CNKSR2: variants seen among roughly 807,000 people sequenced by gnomAD.
The protein encoded by CNKSR2 is CNK homolog protein 2.
CNKSR2 carries 14 observed loss-of-function variants against 84.4 expected under a neutral mutation model. The observed-to-expected ratio is 0.17, with a 90% CI of 0.11 to 0.26. The LOEUF is 0.26. CNKSR2 is among the 10% of genes least tolerant of loss of function. CNKSR2 has a pLI of 1.00. For missense variants in CNKSR2, 485 were observed against 771.2 expected, an observed-to-expected ratio of 0.63 and a Z score of 4.40; for synonymous variants, 275 against 277.9, an observed-to-expected ratio of 0.99 and a Z score of 0.10.
At chrX:21,412,437 A>G (rs764055106) in intron 1 of CNKSR2, among the ~76,000 whole-genome samples, 2 of 111,960 alleles carry the variant, frequency 1.8e-5, no homozygotes, top group East Asian at 2.8e-4. Flanking sequence ...CTAGTGTACA[A>G]TTTTCAGCAT....
At chrX:21,446,578 A>G (rs1470338471) in intron 4 of CNKSR2, among the ~76,000 whole-genome samples, 1 of 111,456 alleles carries the variant, frequency 9.0e-6, no homozygotes, top group Non-Finnish European at 1.9e-5. Flanking sequence ...CTGGCTTGTG[A>G]GCAAAAACTT....
chrX:21,445,391 A>G (rs1464986092), intron 4 of CNKSR2, among the ~76,000 whole-genome samples: 1 of 111,484 alleles, frequency 9.0e-6, no homozygotes, highest in Non-Finnish European at 1.9e-5. Flanking sequence ...TGTAATGATC[A>G]AATCAGGGTA....
rs374060977 is a variant in CNKSR2 at position 21,451,917 on chromosome X, C to A, written c.519+11136C>A. Reference sequence around the variant, plus strand: ...TAGTAGAGTTATCTGGTAGACCATTCAAAACCATTTAGGCCTTGTCTCATG... The same window carrying A: ...TAGTAGAGTTATCTGGTAGACCATTAAAAACCATTTAGGCCTTGTCTCATG... On this transcript the variant is annotated intron_variant, in intron 4 of 21. Coordinates refer to ENST00000379510, the MANE Select transcript of CNKSR2 (RefSeq NM_014927.5). 1.2e-4 allele frequency among the ~76,000 whole-genome samples: 13 copies of A among 111,390 alleles called. No individual in the cohort carries two copies. The East Asian group carries it at 3.4e-3, about 29-fold the overall frequency.
chrX:21,514,412 C>T (rs897636252), intron 8 of CNKSR2, among the ~76,000 whole-genome samples: 1 of 111,723 alleles, frequency 9.0e-6, no homozygotes, highest in African/African-American at 3.2e-5. Context: ...CATTAAATAA[C>T]ATCAGCTGTA....
In CNKSR2 at chrX:21,616,998, A is replaced by C. The variant is rs186845194; in HGVS notation, c.2692+7381A>C. On this transcript the variant is annotated intron_variant, in intron 20 of 21. Transcript: ENST00000379510. ...TAAATGGCAAAAGAAGGAATTCTAA[A>C]TGCTGTCAAGTCACAACAGCAGAAG... 2.8e-3 allele frequency among the ~76,000 whole-genome samples: 314 copies of C among 112,285 alleles called. 1 individual carries two copies. The highest frequency in any genetic ancestry group is 0.014 in the Middle Eastern group (3 of 218).
At position 21,609,605 on chromosome X, in the gene CNKSR2, A is replaced by G. The variant is rs930186060; in HGVS notation, c.2680A>G (p.Ile894Val). ...GGAAGGGGAGGCAGCAGGGGAAAAC[A>G]TAGGAGAAAAAAGTAAGTATGTTTC... is the stretch of plus-strand genomic sequence containing the variant. ...EEEGEAAGEN[I>V]GEKSESREEK... Residue 894 changes from isoleucine (I) to valine (V), a missense_variant, in exon 20 of 22, where the codon ATA becomes GTA. By Grantham distance (29) the Ile-to-Val change is conservative (BLOSUM62 3). Around this residue, in one of 5 missense-constraint regions of CNKSR2, gnomAD observed 210 missense variants for 291.5 expected, o/e 0.72. Transcript: ENST00000379510. 8.4e-7 allele frequency: 1 copy of G among 1,195,950 alleles called. No homozygotes were observed. The highest frequency in any genetic ancestry group is 2.2e-5 in the Admixed American group (1 of 44,786).
chrX:21,449,584 G>A (rs2090901140), intron 4 of CNKSR2, among the ~76,000 whole-genome samples: 1 of 110,498 alleles, frequency 9.0e-6, no homozygotes, highest in African/African-American at 3.3e-5. Context: ...ACTAGATTAT[G>A]CTGCAGTGAC....
intron 4 of CNKSR2, among the ~76,000 whole-genome samples, chrX:21,448,067 A>G (rs1323513172): frequency 9.0e-6 from 1 of 111,662 alleles, no homozygotes; most frequent in Non-Finnish European, 1.9e-5. Context: ...GTGTTTCCCA[A>G]AGGAAACACT....
rs187483895 is a variant in CNKSR2 at position 21,553,215 on chromosome X, T to G, written c.1304-8256T>G. 3.7e-3 allele frequency among the ~76,000 whole-genome samples: 410 copies of G among 111,670 alleles called. 1 individual carries two copies. Among genetic ancestry groups the G allele is most frequent in the Middle Eastern group, 0.014 (3 of 219 alleles). The stretch of plus-strand genomic sequence containing the variant: ...AATTTTTGAAGAAAAATTAATTGGA[T>G]TTTTGTCTAATGTAATGGTCTTGAA... On this transcript the variant is annotated intron_variant, in intron 11 of 21. Transcript: ENST00000379510.
At chrX:21,399,281 C>T (rs1489420474) in intron 1 of CNKSR2, among the ~76,000 whole-genome samples, 1 of 110,989 alleles carries the variant, frequency 9.0e-6, no homozygotes. Flanking sequence ...AAAATAAGTA[C>T]CTATAAAAAA....
intron 11 of CNKSR2, among the ~76,000 whole-genome samples, chrX:21,556,255 C>T (rs749862270): frequency 9.0e-5 from 10 of 111,186 alleles, no homozygotes; most frequent in Non-Finnish European, 1.7e-4. Flanking sequence ...TAAGGTACTG[C>T]GCTAAGTGTG....
intron 10 of CNKSR2, among the ~76,000 whole-genome samples, chrX:21,529,322 T>C (rs776427847): frequency 9.0e-6 from 1 of 111,291 alleles, no homozygotes; most frequent in Admixed American, 9.6e-5. Flanking sequence ...TGGTTGGCAT[T>C]TTATTATATG....
intron 11 of CNKSR2, among the ~76,000 whole-genome samples, chrX:21,540,946 AG>A (rs1452787978): frequency 8.9e-6 from 1 of 111,937 alleles, no homozygotes; most frequent in Non-Finnish European, 1.9e-5. Flanking sequence ...ACAGTGACAA[AG>A]AAACACAGAT....
intron 7 of CNKSR2, among the ~76,000 whole-genome samples, chrX:21,499,849 A>G (rs1216766285): frequency 9.0e-6 from 1 of 110,662 alleles, no homozygotes; most frequent in Non-Finnish European, 1.9e-5. Context: ...TCTATAATTT[A>G]TATGACTTCT....
intron 1 of CNKSR2, among the ~76,000 whole-genome samples, chrX:21,395,810 T>G (rs2090113703): frequency 8.9e-6 from 1 of 111,769 alleles, no homozygotes; most frequent in Admixed American, 9.5e-5. Flanking sequence ...CTCTGAATTT[T>G]TCAGTTTAAG....
chrX:21,562,281 T>C (rs937492015), intron 12 of CNKSR2, among the ~76,000 whole-genome samples: 2 of 111,184 alleles, frequency 1.8e-5, no homozygotes, highest in Non-Finnish European at 3.8e-5. Flanking sequence ...CGTAAGGTCG[T>C]AGGTGGAAAA....
intron 13 of CNKSR2, among the ~76,000 whole-genome samples, chrX:21,573,054 A>G (rs1437407015): frequency 8.9e-6 from 1 of 112,042 alleles, no homozygotes; most frequent in Non-Finnish European, 1.9e-5. Flanking sequence ...ACCATTCCAA[A>G]TGGGAGAAAT....
intron 20 of CNKSR2, among the ~76,000 whole-genome samples, chrX:21,628,171 C>T (rs917845601): frequency 8.9e-6 from 1 of 112,148 alleles, no homozygotes. Context: ...TCCTTTGACT[C>T]CATGTCTCAC....
At chrX:21,449,418 T>TA (rs1161325191) in intron 4 of CNKSR2, among the ~76,000 whole-genome samples, 41 of 107,037 alleles carry the variant, frequency 3.8e-4, no homozygotes, top group Non-Finnish European at 4.4e-4. Flanking sequence ...ATAGCACCGC[T>TA]AAAAAAAAAC....
Sources: allele counts gnomAD v4.1 joint callset (sites outside exome capture counted in the v4.1 genomes callset), GRCh38; gene constraint gnomAD v4.1.1; regional missense constraint gnomAD v4.1.1; transcripts MANE v1.5; gene names NCBI Gene and HGNC (gene_info 2026-07-23, HGNC 2026-07-21).